The following NECTIN3 variants were observed in gnomAD, a reference collection of about 807,000 sequenced individuals.
The protein encoded by NECTIN3 is nectin-3.
NECTIN3 carries 8 observed loss-of-function variants against 49.4 expected under a neutral mutation model. The ratio of observed to expected loss-of-function variants is 0.16; its 90% CI spans 0.10 to 0.29. The LOEUF (loss-of-function observed/expected upper bound fraction) is 0.29. Ranked by LOEUF, NECTIN3 falls within the 10% of genes least tolerant of loss-of-function variation. NECTIN3 has a pLI of 1.00. For synonymous variants in NECTIN3, 277 were observed against 241.1 expected (o/e 1.15, Z -1.38); for missense variants, 581 against 654.6 (o/e 0.89, Z 1.23).
intron 5 of NECTIN3, among the ~76,000 whole-genome samples, chr3:111,144,422 A>G (rs111563993): frequency 3.3e-5 from 5 of 151,296 alleles, no homozygotes; most frequent in African/African-American, 4.9e-5. Flanking sequence ...TCCAATGTCA[A>G]TTTTTTTTGA....
At chr3:111,090,323 T>C (rs1318794364) in intron 1 of NECTIN3, among the ~76,000 whole-genome samples, 1 of 152,154 alleles carries the variant, frequency 6.6e-6, no homozygotes, top group Non-Finnish European at 1.5e-5. Flanking sequence ...TTTATTGCTT[T>C]CCTTTGTATA....
intron 1 of NECTIN3, among the ~76,000 whole-genome samples, chr3:111,096,556 C>T (rs1361918292): frequency 6.6e-6 from 1 of 152,212 alleles, no homozygotes; most frequent in Non-Finnish European, 1.5e-5. Context: ...GCAGCAGCCC[C>T]TCCCTCCCAT....
At chr3:111,132,024 G>A (rs542421437) in intron 5 of NECTIN3, among the ~76,000 whole-genome samples, 1 of 151,554 alleles carries the variant, frequency 6.6e-6, no homozygotes, top group Non-Finnish European at 1.5e-5. Flanking sequence ...TACATGAATC[G>A]TCTTATTTAA....
intron 7 of NECTIN3, among the ~76,000 whole-genome samples, chr3:111,175,691 T>G (rs1180682265): frequency 1.3e-5 from 2 of 152,056 alleles, no homozygotes; most frequent in African/African-American, 4.8e-5. Flanking sequence ...ATTGCAAACA[T>G]GATGACATTT....
At chr3:111,132,864 A>G (rs2034443380) in intron 5 of NECTIN3, among the ~76,000 whole-genome samples, 1 of 151,974 alleles carries the variant, frequency 6.6e-6, no homozygotes, top group South Asian at 2.1e-4. Flanking sequence ...AGACATGGTG[A>G]TGACATTTTT....
At chr3:111,082,955 C>A (rs746219964) in intron 1 of NECTIN3, among the ~76,000 whole-genome samples, 6 of 152,086 alleles carry the variant, frequency 3.9e-5, no homozygotes, top group African/African-American at 1.4e-4. Flanking sequence ...CAGTAGGGTT[C>A]GTGCTCCTGT....
chr3:111,105,604 A>G (rs1283421823), intron 1 of NECTIN3, among the ~76,000 whole-genome samples: 1 of 152,200 alleles, frequency 6.6e-6, no homozygotes, highest in Non-Finnish European at 1.5e-5. Flanking sequence ...TGTAGATTCC[A>G]TCATATTTTC....
intron 5 of NECTIN3, among the ~76,000 whole-genome samples, chr3:111,131,518 A>T (rs1024135474): frequency 1.3e-5 from 2 of 151,980 alleles, no homozygotes; most frequent in African/African-American, 4.8e-5. Flanking sequence ...TCATGGAATG[A>T]TATTACTAGT....
rs2030763328 is a variant in NECTIN3, at chr3:111,071,963, G to C, written c.-55G>C. ...GCCTCCGCCCAGAGCCTGAGGCGCC[G>C]GGGCCGGGGGAGCCGGGGGGCGGGC... On this transcript the variant is annotated 5_prime_UTR_variant, in exon 1 of 6. Transcript: ENST00000485303. 1 of 1,307,282 alleles carries C rather than the reference G, an allele frequency of 7.6e-7. No homozygotes were observed. The highest frequency in any genetic ancestry group is 9.9e-7 in the Non-Finnish European group (1 of 1,006,832). The allele number at this position is 1,307,282 out of a possible 1,614,324, so 81.0% of individuals were successfully genotyped here. A position where few individuals can be genotyped will look rare whatever the true frequency, so the allele number is the denominator to read the frequency against.
chr3:111,188,307 G>A (rs2035756874), upstream of NECTIN3, among the ~76,000 whole-genome samples: 1 of 151,962 alleles, frequency 6.6e-6, no homozygotes, highest in African/African-American at 2.4e-5. Flanking sequence ...CCTAATGCAG[G>A]GCCTTTTCTA....
intron 1 of NECTIN3, among the ~76,000 whole-genome samples, chr3:111,084,031 A>C (rs1302585929): frequency 1.3e-5 from 2 of 152,182 alleles, no homozygotes; most frequent in Non-Finnish European, 2.9e-5. Context: ...GAAGCAGGAG[A>C]AGCTCATTGA....
chr3:111,094,727 A>G (rs946461730), intron 1 of NECTIN3, among the ~76,000 whole-genome samples: 7 of 152,356 alleles, frequency 4.6e-5, no homozygotes, highest in African/African-American at 1.7e-4. Flanking sequence ...TACCAGCCAC[A>G]GAAGCTCATT....
chr3:111,113,842 G>A (rs558617184), intron 2 of NECTIN3, among the ~76,000 whole-genome samples: 2 of 152,202 alleles, frequency 1.3e-5, no homozygotes, highest in South Asian at 4.1e-4. Flanking sequence ...AAATTAGCCA[G>A]GCATGGTAGT....
chr3:111,144,985 G>GT lies in NECTIN3; in HGVS notation c.1088dup (p.Thr364AspfsTer15), dbSNP rs762583078. 1.7e-4 allele frequency: 266 copies of GT among 1,536,276 alleles called. 2 individuals carry two copies. The highest frequency in any genetic ancestry group is 5.9e-5 in the Admixed American group (3 of 50,952). On this transcript the variant is annotated frameshift_variant, in exon 6 of 9. Transcript: ENST00000493615. LOFTEE classifies it high-confidence loss of function. ...TGCCCTTTTCATCATTGCTATCTTT[G>GT]TGACTGTGCTGCTGACTCCTCGAAA...
chr3:111,176,403 A>G (rs943657393), intron 7 of NECTIN3, among the ~76,000 whole-genome samples: 2 of 152,188 alleles, frequency 1.3e-5, no homozygotes, highest in African/African-American at 4.8e-5. Context: ...TCCTAAACTC[A>G]TAAACTGAGT....
intron 1 of NECTIN3, among the ~76,000 whole-genome samples, chr3:111,110,845 A>G (rs916176435): frequency 2.0e-5 from 3 of 152,016 alleles, no homozygotes; most frequent in Non-Finnish European, 4.4e-5. Context: ...TTTGCCTTCT[A>G]ATTTACTTTT....
At chr3:111,175,832 G>A (rs2035518314) in intron 7 of NECTIN3, among the ~76,000 whole-genome samples, 1 of 152,130 alleles carries the variant, frequency 6.6e-6, no homozygotes, top group Non-Finnish European at 1.5e-5. Context: ...CAGAGGGTGG[G>A]GCCATCCAAT....
intron 7 of NECTIN3, among the ~76,000 whole-genome samples, chr3:111,187,009 CT>C (rs981301436): frequency 6.6e-6 from 1 of 152,034 alleles, no homozygotes; most frequent in African/African-American, 2.4e-5. Context: ...TTGTTAATTA[CT>C]TTTTTAAAGA....
intron 7 of NECTIN3, among the ~76,000 whole-genome samples, chr3:111,163,453 G>A (rs2107521696): frequency 6.6e-6 from 1 of 152,326 alleles, no homozygotes; most frequent in African/African-American, 2.4e-5. Context: ...AAATAATGCT[G>A]TAGCAGTTTT....
Sources: gnomAD v4.1 joint callset for allele counts (sites outside exome capture counted in the v4.1 genomes callset) on GRCh38, gnomAD v4.1.1 for gene constraint, MANE v1.5 for transcripts, NCBI Gene and HGNC (gene_info 2026-07-23, HGNC 2026-07-21) for gene names.